The following PPARGC1A variants were observed in gnomAD, a reference collection of about 807,000 sequenced individuals.
PPARGC1A encodes peroxisome proliferator-activated receptor gamma coactivator 1-alpha.
A neutral mutation model predicts 88.7 loss-of-function variants in PPARGC1A; 25 were observed. That is an observed-to-expected ratio of 0.28 (90% CI 0.21 to 0.39). PPARGC1A has a LOEUF of 0.39. Among genes scored for constraint, PPARGC1A ranks in the 10% least tolerant of loss-of-function variants. PPARGC1A has a pLI of 1.00. For synonymous variants in PPARGC1A, 363 were observed against 355.6 expected (o/e 1.02, Z -0.24); for missense variants, 880 against 968.7 (o/e 0.91, Z 1.22).
chr4:23,949,026 A>C, the PPARGC1A span, among the ~76,000 whole-genome samples: 2 of 152,126 alleles, frequency 1.3e-5, no homozygotes, highest in African/African-American at 4.8e-5. Context: ...CTATTTGCCT[A>C]AACTAGTTTT....
At chr4:24,448,903 G>A in the PPARGC1A span, among the ~76,000 whole-genome samples, 1 of 152,188 alleles carries the variant, frequency 6.6e-6, no homozygotes, top group African/African-American at 2.4e-5. Context: ...TCTTGGATCT[G>A]CTTCCTCATA....
the PPARGC1A span, among the ~76,000 whole-genome samples, chr4:24,249,892 G>A: frequency 6.8e-3 from 1,035 of 152,312 alleles, 6 homozygotes; most frequent in Admixed American, 0.011. Flanking sequence ...CATAGTAAGT[G>A]CTCAATACAT....
the PPARGC1A span, among the ~76,000 whole-genome samples, chr4:24,077,624 GGT>G: frequency 0.32 from 41,335 of 130,460 alleles, 6,251 homozygotes; most frequent in East Asian, 0.47. Flanking sequence ...TGTGTCTAGG[GGT>G]GTGTGTGTGT....
chr4:23,911,349 A>G, the PPARGC1A span, among the ~76,000 whole-genome samples: 1 of 152,300 alleles, frequency 6.6e-6, no homozygotes, highest in Non-Finnish European at 1.5e-5. Context: ...AATATAAACA[A>G]AATAGAATCT....
At chr4:24,424,376 C>T in the PPARGC1A span, among the ~76,000 whole-genome samples, 3 of 144,248 alleles carry the variant, frequency 2.1e-5, no homozygotes, top group Non-Finnish European at 4.5e-5. Context: ...CCCGGGTTCA[C>T]GCCATTCTCC....
the PPARGC1A span, among the ~76,000 whole-genome samples, chr4:24,001,098 A>C: frequency 6.6e-6 from 1 of 152,224 alleles, no homozygotes; most frequent in South Asian, 2.1e-4. Context: ...TTTCTTTTTA[A>C]AACATTTTCA....
At chr4:23,958,810 C>G in the PPARGC1A span, among the ~76,000 whole-genome samples, 3 of 152,182 alleles carry the variant, frequency 2.0e-5, no homozygotes, top group Non-Finnish European at 4.4e-5. Flanking sequence ...TTGACATGCC[C>G]TTCCTACTAA....
chr4:24,213,446 G>A, the PPARGC1A span, among the ~76,000 whole-genome samples: 1 of 152,144 alleles, frequency 6.6e-6, no homozygotes, highest in Admixed American at 6.5e-5. Flanking sequence ...GATTACAGCA[G>A]TGAGCCACCG....
At chr4:24,356,230 G>A in the PPARGC1A span, among the ~76,000 whole-genome samples, 2 of 151,770 alleles carry the variant, frequency 1.3e-5, no homozygotes, top group Admixed American at 6.6e-5. Flanking sequence ...GAGAGAGGGA[G>A]AGATAATGAG....
the PPARGC1A span, among the ~76,000 whole-genome samples, chr4:24,154,498 T>C: frequency 6.6e-6 from 1 of 152,252 alleles, no homozygotes; most frequent in Admixed American, 6.5e-5. Flanking sequence ...AAGAGCCTTG[T>C]GTAAGCCATG....
chr4:23,949,468 G>A, the PPARGC1A span, among the ~76,000 whole-genome samples: 2 of 152,278 alleles, frequency 1.3e-5, no homozygotes, highest in South Asian at 4.1e-4. Flanking sequence ...ACTTGTGCCA[G>A]TTAATTAGCA....
the PPARGC1A span, among the ~76,000 whole-genome samples, chr4:24,309,084 C>G: frequency 6.6e-6 from 1 of 151,500 alleles, no homozygotes; most frequent in African/African-American, 2.4e-5. Flanking sequence ...AATGGAAGAA[C>G]AGCAGTCAAG....
chr4:23,813,691 T>C lies in PPARGC1A; in HGVS notation c.1792A>G (p.Arg598Gly). Residue 598 changes from arginine (R) to glycine (G), a missense_variant and splice_region_variant, in exon 8 of 13, where the codon AGA becomes GGA. Arg to Gly is a moderately radical substitution (Grantham distance 125). Transcript: ENST00000264867. ...SRSPGSRSSSRSCYYYESSHY... is the reference protein window; with the variant it reads ...SRSPGSRSSSGSCYYYESSHY... ...TATTAGGGTTTTGCCAAGGTTTACCTTGAAGAGGATCTACTGCCTGGAGAC... is the reference window on the plus strand; with the variant it reads ...TATTAGGGTTTTGCCAAGGTTTACCCTGAAGAGGATCTACTGCCTGGAGAC... 1.3e-6 allele frequency: 2 copies of C among 1,570,600 alleles called. No individual in the cohort carries two copies. Among genetic ancestry groups the C allele is most frequent in the Non-Finnish European group, 1.7e-6 (2 of 1,154,480 alleles).
At chr4:23,992,498 G>A in the PPARGC1A span, among the ~76,000 whole-genome samples, 1 of 151,934 alleles carries the variant, frequency 6.6e-6, no homozygotes, top group African/African-American at 2.4e-5. Context: ...GGCACCTCGA[G>A]TAGTTATATA....
the PPARGC1A span, among the ~76,000 whole-genome samples, chr4:24,467,678 G>C: frequency 3.9e-5 from 6 of 152,114 alleles, no homozygotes; most frequent in South Asian, 8.3e-4. Flanking sequence ...AAAAAAAATG[G>C]GCAGTCAGCA....
chr4:24,206,468 C>G, the PPARGC1A span, among the ~76,000 whole-genome samples: 2 of 152,082 alleles, frequency 1.3e-5, no homozygotes, highest in South Asian at 4.1e-4. Context: ...ATAATATTTG[C>G]GCAGTATTGT....
At chr4:24,416,982 A>T in the PPARGC1A span, among the ~76,000 whole-genome samples, 7 of 150,948 alleles carry the variant, frequency 4.6e-5, no homozygotes, top group Non-Finnish European at 8.9e-5. Context: ...GTGAGCCGAG[A>T]TCACACCATT....
the PPARGC1A span, among the ~76,000 whole-genome samples, chr4:24,136,417 G>A: frequency 6.6e-6 from 1 of 152,146 alleles, no homozygotes; most frequent in Non-Finnish European, 1.5e-5. Flanking sequence ...GTAAGATCTT[G>A]AGGCTGGAGT....
the PPARGC1A span, among the ~76,000 whole-genome samples, chr4:23,995,197 T>C: frequency 1.3e-5 from 2 of 152,120 alleles, no homozygotes; most frequent in South Asian, 2.1e-4. Context: ...GTCCTGTTAA[T>C]ATCTTGGGCT....
Sources: allele counts gnomAD v4.1 joint callset (sites outside exome capture counted in the v4.1 genomes callset), GRCh38; gene constraint gnomAD v4.1.1; transcripts MANE v1.5; gene names NCBI Gene and HGNC (gene_info 2026-07-23, HGNC 2026-07-21).